Variants in DNM3 observed in about 807,000 individuals in gnomAD.
The protein encoded by DNM3 is dynamin-3.
In DNM3, 47 loss-of-function variants were observed where a neutral mutation model predicts 101.6. The ratio of observed to expected loss-of-function variants is 0.46; its 90% CI spans 0.37 to 0.59. The LOEUF (loss-of-function observed/expected upper bound fraction) is 0.59, where lower values mean the gene tolerates loss of function less well. Ranked by LOEUF, DNM3 falls within the 20% of genes least tolerant of loss-of-function variation. DNM3 has a pLI of 0.00. For synonymous variants in DNM3, 385 were observed against 387.9 expected, an observed-to-expected ratio of 0.99 and a Z score of 0.09; for missense variants, 849 against 1,085.7, an observed-to-expected ratio of 0.78 and a Z score of 3.06.
chr1:172,402,688 G>C (rs1374706635), intron 20 of DNM3, among the ~76,000 whole-genome samples: 1 of 152,122 alleles, frequency 6.6e-6, no homozygotes, highest in Non-Finnish European at 1.5e-5. Context: ...GCAAGTAGTA[G>C]TTATTCTTCT....
chr1:172,137,082 G>A (rs1203482115), intron 14 of DNM3: 2 of 152,026 alleles, frequency 1.3e-5, no homozygotes, highest in African/African-American at 4.8e-5. Context: ...TAATGTTCTG[G>A]CTAGGTCATT....
intron 17 of DNM3, among the ~76,000 whole-genome samples, chr1:172,347,962 A>G (rs2067022272): frequency 6.6e-6 from 1 of 152,046 alleles, no homozygotes; most frequent in East Asian, 1.9e-4. Flanking sequence ...AATTATATAT[A>G]ATATATTCTT....
intron 4 of DNM3, among the ~76,000 whole-genome samples, chr1:172,003,153 T>C (rs2046457693): frequency 6.6e-6 from 1 of 152,034 alleles, no homozygotes; most frequent in South Asian, 2.1e-4. Flanking sequence ...TTTATATTAA[T>C]ATATGGATGT....
intron 2 of DNM3, chr1:171,970,002 A>G (rs888509980): frequency 6.6e-6 from 1 of 152,210 alleles, no homozygotes; most frequent in Non-Finnish European, 1.5e-5. Context: ...AAGGGTCAAG[A>G]GTTAGTAAAT....
chr1:172,194,347 G>T (rs1054896566), intron 14 of DNM3, among the ~76,000 whole-genome samples: 1 of 152,140 alleles, frequency 6.6e-6, no homozygotes, highest in Non-Finnish European at 1.5e-5. Flanking sequence ...GTTGATTTGG[G>T]GTGGAGAGTC....
At chr1:171,961,646 C>T (rs927987315) in intron 2 of DNM3, among the ~76,000 whole-genome samples, 2 of 152,084 alleles carry the variant, frequency 1.3e-5, no homozygotes, top group African/African-American at 4.8e-5. Flanking sequence ...CAGATATGTG[C>T]CCACCAATGT....
intron 14 of DNM3, among the ~76,000 whole-genome samples, chr1:172,151,540 G>T (rs1374134029): frequency 1.3e-5 from 2 of 152,062 alleles, no homozygotes; most frequent in Admixed American, 6.6e-5. Context: ...TCTCTCCTCA[G>T]GTTCTTCAAG....
intron 1 of DNM3, among the ~76,000 whole-genome samples, chr1:171,895,582 G>T (rs1257615785): frequency 1.3e-5 from 2 of 152,126 alleles, no homozygotes; most frequent in South Asian, 2.1e-4. Context: ...CTCCCATTTT[G>T]TAGGTTGCCT....
At chr1:172,033,028 A>T in intron 5 of DNM3, 77 bp from the exon 6 acceptor site, 1 of 1,528,402 alleles carries the variant, frequency 6.5e-7, no homozygotes, top group Non-Finnish European at 8.8e-7. Context: ...TACTCTGCCT[A>T]TGTGAGAGCC....
In DNM3 at chr1:172,246,211, A is replaced by T. The variant is rs1388119085; in HGVS notation, c.1660-7362A>T. Among the ~76,000 whole-genome samples, 6 of 152,138 alleles carry T rather than the reference A, an allele frequency of 3.9e-5. No homozygotes were observed. The East Asian group carries it at 7.7e-4, about 20-fold the overall frequency. On this transcript the variant is annotated intron_variant, in intron 14 of 20. Coordinates refer to ENST00000627582, the MANE Select transcript of DNM3 (RefSeq NM_015569.5). ...AATTACAACTAGAGATGAGATTTGCATGGGGAGACAGAGCCAAACCCTATC... is the reference window on the plus strand; with the variant it reads ...AATTACAACTAGAGATGAGATTTGCTTGGGGAGACAGAGCCAAACCCTATC...
At chr1:172,387,083 C>A in intron 18 of DNM3, 50 bp from the exon 19 acceptor site, 1 of 1,482,404 alleles carries the variant, frequency 6.7e-7, no homozygotes, top group Non-Finnish European at 9.4e-7. Context: ...TCTACCTCCA[C>A]TCAGTCACTC....
intron 2 of DNM3, among the ~76,000 whole-genome samples, chr1:171,944,495 G>T (rs1010803138): frequency 2.0e-5 from 3 of 151,290 alleles, no homozygotes; most frequent in African/African-American, 7.3e-5. Context: ...CCCACTACCC[G>T]CTGCAGTGGC....
chr1:172,052,786 C>G (rs898989565), intron 10 of DNM3, among the ~76,000 whole-genome samples: 13 of 152,150 alleles, frequency 8.5e-5, no homozygotes, highest in Non-Finnish European at 1.5e-5. Context: ...GTTTTATTCT[C>G]TTCTTACTAT....
At chr1:172,225,382 G>T (rs986144059) in intron 14 of DNM3, among the ~76,000 whole-genome samples, 10 of 151,794 alleles carry the variant, frequency 6.6e-5, no homozygotes, top group Non-Finnish European at 1.0e-4. Flanking sequence ...TGATCCACCT[G>T]CCTCGGCCTC....
At position 172,115,886 on chromosome 1, in the gene DNM3, A is replaced by G. The variant is rs181842073; in HGVS notation, c.1546-15289A>G. ...ATTTATCATCTCCAGATATATAATT[A>G]TATGGTTATTGTCTATTGCTGAACT... is the stretch of plus-strand genomic sequence containing the variant. On this transcript the variant is annotated intron_variant, in intron 13 of 20. Transcript: ENST00000627582. Among the ~76,000 whole-genome samples, 294 of 152,322 alleles carry G rather than the reference A, an allele frequency of 1.9e-3. No individual in the cohort carries two copies. The Middle Eastern group carries it at 0.024, about 12-fold the overall frequency.
At chr1:171,947,836 A>C (rs1201991566) in intron 2 of DNM3, among the ~76,000 whole-genome samples, 2 of 152,218 alleles carry the variant, frequency 1.3e-5, no homozygotes, top group African/African-American at 2.4e-5. Context: ...TACATTTTAA[A>C]GTGTTTAATA....
chr1:172,325,677 G>T (rs889069483), intron 17 of DNM3, among the ~76,000 whole-genome samples: 2 of 152,182 alleles, frequency 1.3e-5, no homozygotes, highest in African/African-American at 4.8e-5. Flanking sequence ...GAGAATATGA[G>T]ATTCCTTTTT....
At chr1:171,889,002 G>A (rs1354718880) in intron 1 of DNM3, among the ~76,000 whole-genome samples, 1 of 152,056 alleles carries the variant, frequency 6.6e-6, no homozygotes, top group Non-Finnish European at 1.5e-5. Context: ...TTGAGACAGG[G>A]CCTCTCTCTG....
At chr1:172,175,946 T>G (rs2059140674) in intron 14 of DNM3, among the ~76,000 whole-genome samples, 1 of 151,724 alleles carries the variant, frequency 6.6e-6, no homozygotes, top group Admixed American at 6.6e-5. Context: ...TATAATCCCC[T>G]CTCATGTTGT....
Sources: gnomAD v4.1 joint callset for allele counts (sites outside exome capture counted in the v4.1 genomes callset) on GRCh38, gnomAD v4.1.1 for gene constraint, MANE v1.5 for transcripts, NCBI Gene and HGNC (gene_info 2026-07-23, HGNC 2026-07-21) for gene names.